The following GRIN3A variants were observed in gnomAD, a reference collection of about 807,000 sequenced individuals.
GRIN3A encodes the protein glutamate ionotropic receptor NMDA type subunit 3A.
In GRIN3A, 47 loss-of-function variants were observed where a neutral mutation model predicts 92.4. The ratio of observed to expected loss-of-function variants is 0.51; its 90% CI spans 0.40 to 0.65. The LOEUF (loss-of-function observed/expected upper bound fraction) is 0.65, where lower values mean the gene tolerates loss of function less well. Ranked by LOEUF, GRIN3A falls within the 30% of genes least tolerant of loss-of-function variation. The probability of loss-of-function intolerance (pLI) is 0.00; values close to 1 mark genes in which losing one functional copy is unlikely to be tolerated. For synonymous variants in GRIN3A, 527 were observed against 540.6 expected, an observed-to-expected ratio of 0.97 and a Z score of 0.35; for missense variants, 1,324 against 1,393.1, an observed-to-expected ratio of 0.95 and a Z score of 0.79.
intron 6 of GRIN3A, among the ~76,000 whole-genome samples, chr9:101,580,020 C>T (rs1378490821): frequency 1.3e-5 from 2 of 152,160 alleles, no homozygotes; most frequent in African/African-American, 4.8e-5. Context: ...TCTCCACCCT[C>T]GGGTCATGCT....
intron 1 of GRIN3A, among the ~76,000 whole-genome samples, chr9:101,698,660 C>A (rs1829713515): frequency 6.6e-6 from 1 of 152,054 alleles, no homozygotes. Context: ...TTAGGCTACA[C>A]AAAGTTTATT....
At chr9:101,677,334 T>G (rs1408851341) in intron 2 of GRIN3A, among the ~76,000 whole-genome samples, 1 of 152,026 alleles carries the variant, frequency 6.6e-6, no homozygotes, top group Non-Finnish European at 1.5e-5. Context: ...GCTCATTGTT[T>G]CTTTAATACT....
intron 2 of GRIN3A, among the ~76,000 whole-genome samples, chr9:101,685,137 A>T (rs1290951717): frequency 1.3e-5 from 2 of 152,152 alleles, no homozygotes; most frequent in African/African-American, 4.8e-5. Flanking sequence ...GAAAAATTTT[A>T]TTAACAACAT....
chr9:101,664,876 G>T (rs1486422614), intron 3 of GRIN3A, among the ~76,000 whole-genome samples: 5 of 152,042 alleles, frequency 3.3e-5, no homozygotes, highest in Non-Finnish European at 4.4e-5. Flanking sequence ...TACATTCATT[G>T]TAAGTTATCT....
chr9:101,737,859 G>T lies in GRIN3A; in HGVS notation c.121C>A (p.Leu41Ile), dbSNP rs1031315248. The change falls in exon 1 of 9, where the codon CTC becomes ATC. Residue 41 changes from leucine to isoleucine, a missense_variant. Physicochemically the swap from Leu to Ile is conservative, Grantham distance 5 (BLOSUM62 2). Transcript: ENST00000361820. ...SSSHPQPCQI[L>I]KRIGHAVRVG... The stretch of plus-strand genomic sequence containing the variant: ...CTCACCGCGTGCCCGATGCGCTTGA[G>T]GATCTGGCAGGGCTGCGGGTGCGAG... 1.3e-6 allele frequency: 2 copies of T among 1,533,698 alleles called. No homozygotes were observed. The highest frequency in any genetic ancestry group is 1.7e-6 in the Non-Finnish European group (2 of 1,146,426).
At position 101,731,382 on chromosome 9, in the gene GRIN3A, G is replaced by A. The variant is rs556482310; in HGVS notation, c.699+5899C>T. ...CATTTGCTTTACAGGGCTGTTAGGA[G>A]ATTATTTAAACATATTTGTGAAAAA... is the stretch of plus-strand genomic sequence containing the variant. On this transcript the variant is annotated intron_variant, in intron 1 of 8. Transcript: ENST00000361820. Among the ~76,000 whole-genome samples the A allele has an allele frequency of 2.6e-5, 4 of 152,266 alleles. No individual in the cohort carries two copies. In the East Asian group the frequency reaches 7.7e-4, roughly 29 times the overall value.
chr9:101,631,465 A>T (rs1159671547), intron 3 of GRIN3A, among the ~76,000 whole-genome samples: 1 of 152,180 alleles, frequency 6.6e-6, no homozygotes, highest in African/African-American at 2.4e-5. Context: ...TTATGTTGTG[A>T]TAATACTTTT....
intron 2 of GRIN3A, among the ~76,000 whole-genome samples, chr9:101,676,055 A>G (rs575032396): frequency 6.6e-6 from 1 of 151,944 alleles, no homozygotes; most frequent in Admixed American, 6.6e-5. Flanking sequence ...TTTTATGTTT[A>G]TTATGAATTT....
chr9:101,602,194 C>T (rs1223645275), intron 6 of GRIN3A, among the ~76,000 whole-genome samples: 2 of 152,212 alleles, frequency 1.3e-5, no homozygotes, highest in African/African-American at 4.8e-5. Flanking sequence ...CCAACTCCCA[C>T]AGCCGCATGG....
chr9:101,737,610 G>A lies in GRIN3A; in HGVS notation c.370C>T (p.Pro124Ser), dbSNP rs749329818. 9 of 1,613,342 alleles carry A rather than the reference G, an allele frequency of 5.6e-6. No homozygotes were observed. The highest frequency in any genetic ancestry group is 2.2e-5 in the South Asian group (2 of 91,086). ...ACGGCAAATAGGAGGGCGTCCCGTG[G>A]CCACAGGGCCTCCGCCCTGGCGCCC... ...GEGARAEALW[P>S]RDALLFAVDN... The change falls in exon 1 of 9, where the codon CCA (proline) becomes TCA (serine). Residue 124 changes from proline (P) to serine (S), a missense_variant. Pro to Ser is a moderately conservative substitution (Grantham distance 74). Transcript: ENST00000361820.
At chr9:101,723,086 A>T (rs1424385335) in intron 1 of GRIN3A, among the ~76,000 whole-genome samples, 1 of 152,164 alleles carries the variant, frequency 6.6e-6, no homozygotes, top group Non-Finnish European at 1.5e-5. Context: ...TAATTGAATC[A>T]TGGGGGCCAG....
chr9:101,696,617 C>A (rs1242798270), intron 1 of GRIN3A, among the ~76,000 whole-genome samples: 1 of 152,182 alleles, frequency 6.6e-6, no homozygotes, highest in Non-Finnish European at 1.5e-5. Flanking sequence ...ATATTAACAT[C>A]ATTGTTACAG....
At position 101,737,624 on chromosome 9, in the gene GRIN3A, G is replaced by A. The variant is rs774734697; in HGVS notation, c.356C>T (p.Ala119Val). The stretch of plus-strand genomic sequence containing the variant: ...GGCGTCCCGTGGCCACAGGGCCTCC[G>A]CCCTGGCGCCCTCCCCGGGCTTACG... ...GSRKPGEGAR[A>V]EALWPRDALL... Residue 119 changes from alanine (A) to valine (V), a missense_variant, in exon 1 of 9, where the codon GCG (alanine) becomes GTG (valine). Coordinates refer to ENST00000361820, the MANE Select transcript of GRIN3A (RefSeq NM_133445.3). 3 of 1,612,212 alleles carry A rather than the reference G, an allele frequency of 1.9e-6. No individual in the cohort carries two copies. Among genetic ancestry groups the A allele is most frequent in the East Asian group, 4.5e-5 (2 of 44,846 alleles).
chr9:101,574,485 G>A (rs1306752258), intron 8 of GRIN3A, among the ~76,000 whole-genome samples: 1 of 152,170 alleles, frequency 6.6e-6, no homozygotes, highest in Non-Finnish European at 1.5e-5. Context: ...CCAAGCCATT[G>A]TGTTTTTGTT....
rs1827781260 is a variant in GRIN3A, at chr9:101,573,093, A to C, written c.*81T>G. ...CCTCAGCTTCCCCACACCTTTGTCG[A>C]TAGTTACAAAAGAGCATTACAAAGT... On this transcript the variant is annotated 3_prime_UTR_variant, in exon 9 of 9. Transcript: ENST00000361820. 1 of 1,218,684 alleles carries C rather than the reference A, an allele frequency of 8.2e-7. No individual in the cohort carries two copies. 75.5% of individuals were successfully genotyped at this position (1,218,684 alleles called of 1,614,324 possible).
chr9:101,622,844 T>C (rs35778437), intron 5 of GRIN3A, among the ~76,000 whole-genome samples: 10,494 of 152,198 alleles, frequency 0.069, 519 homozygotes, highest in East Asian at 0.17. Flanking sequence ...ATGTAATCAT[T>C]CTAGTTTTTC....
intron 1 of GRIN3A, among the ~76,000 whole-genome samples, chr9:101,721,745 T>C (rs1830015419): frequency 6.6e-6 from 1 of 152,162 alleles, no homozygotes; most frequent in Non-Finnish European, 1.5e-5. Flanking sequence ...GCCCTAGAGA[T>C]TTGTGGAACT....
At chr9:101,583,290 C>T (rs1036311854) in intron 6 of GRIN3A, among the ~76,000 whole-genome samples, 1 of 152,282 alleles carries the variant, frequency 6.6e-6, no homozygotes, top group African/African-American at 2.4e-5. Flanking sequence ...ACAACTATCA[C>T]AATTTTTTAT....
chr9:101,582,508 G>A (rs911877981), intron 6 of GRIN3A, among the ~76,000 whole-genome samples: 10 of 152,172 alleles, frequency 6.6e-5, no homozygotes, highest in African/African-American at 2.4e-4. Context: ...GGACCCCAAG[G>A]GCTTCAGAGG....
Sources: allele counts gnomAD v4.1 joint callset (sites outside exome capture counted in the v4.1 genomes callset), GRCh38; gene constraint gnomAD v4.1.1; transcripts MANE v1.5; gene names NCBI Gene and HGNC (gene_info 2026-07-23, HGNC 2026-07-21).